The following MMS22L variants were observed in gnomAD, a reference collection of about 807,000 sequenced individuals.
The protein encoded by MMS22L is protein MMS22-like.
In MMS22L, 74 loss-of-function variants were observed where a neutral mutation model predicts 159.1. The observed-to-expected ratio is 0.47, with a 90% CI of 0.39 to 0.56. The LOEUF (loss-of-function observed/expected upper bound fraction) is 0.56. Ranked by LOEUF, MMS22L falls within the 20% of genes least tolerant of loss-of-function variation. The pLI, the probability that MMS22L is intolerant of heterozygous loss-of-function variation, is 0.00. For missense variants in MMS22L, 1,351 were observed against 1,422.1 expected (o/e 0.95, Z 0.80); for synonymous variants, 517 against 506.9 (o/e 1.02, Z -0.27).
In MMS22L at chr6:97,162,310, C is replaced by T. The variant is rs1385336049; in HGVS notation, c.3222-145G>A. 1.5e-5 allele frequency: 9 copies of T among 619,714 alleles called. No individual in the cohort carries two copies. The East Asian group carries it at 2.1e-4, about 15-fold the overall frequency. The allele number at this position is 619,714 out of a possible 1,614,324, so 38.4% of individuals were successfully genotyped here. The stretch of plus-strand genomic sequence containing the variant: ...TATAAAGTATGTATATTTTACCATG[C>T]TATCTTCAAACATAGGATTTTAGAA... On this transcript the variant is annotated intron_variant, in intron 21 of 24. Coordinates refer to ENST00000683635, the MANE Select transcript of MMS22L (RefSeq NM_001350599.2).
In MMS22L at chr6:97,146,774, T is replaced by A; in HGVS notation, c.*32A>T. The A allele has an allele frequency of 7.2e-7, 1 of 1,381,472 alleles. No individual in the cohort carries two copies. The highest frequency in any genetic ancestry group is 1.0e-6 in the Non-Finnish European group (1 of 995,586). The allele number at this position is 1,381,472 out of a possible 1,614,324, so 85.6% of individuals were successfully genotyped here. ...GGAACAATGTGGCTTTAGATACTGA[T>A]AATTAATAGACAGGATGAATCACAA... is the stretch of plus-strand genomic sequence containing the variant. On this transcript the variant is annotated 3_prime_UTR_variant, in exon 25 of 25. Coordinates refer to ENST00000683635, the MANE Select transcript of MMS22L (RefSeq NM_001350599.2).
At chr6:97,236,470 G>A (rs948542706) in intron 11 of MMS22L, among the ~76,000 whole-genome samples, 2 of 152,102 alleles carry the variant, frequency 1.3e-5, no homozygotes, top group Non-Finnish European at 2.9e-5. Context: ...ATGAATGTAT[G>A]ATTTTCTCTC....
chr6:97,281,407 C>A (rs1251763142), intron 2 of MMS22L, 45 bp from the exon 3 acceptor site: 1 of 1,475,132 alleles, frequency 6.8e-7, no homozygotes, highest in Non-Finnish European at 9.2e-7. Flanking sequence ...ATACTAAGTA[C>A]CATAATACGA....
At chr6:97,201,953 C>T (rs552849991) in intron 14 of MMS22L, among the ~76,000 whole-genome samples, 15 of 152,260 alleles carry the variant, frequency 9.9e-5, no homozygotes, top group South Asian at 2.1e-4. Flanking sequence ...CTTATTCCCT[C>T]GAACAATACT....
At chr6:97,251,698 A>C (rs962959398) in intron 10 of MMS22L, among the ~76,000 whole-genome samples, 2 of 152,190 alleles carry the variant, frequency 1.3e-5, no homozygotes, top group Admixed American at 1.3e-4. Flanking sequence ...TAAAAGACGC[A>C]AGTTAAGCTA....
At chr6:97,251,849 C>G (rs935261399) in intron 10 of MMS22L, among the ~76,000 whole-genome samples, 1 of 151,944 alleles carries the variant, frequency 6.6e-6, no homozygotes, top group Non-Finnish European at 1.5e-5. Context: ...TTTGAGAGGC[C>G]GAAGCGGGCG....
chr6:97,163,444 A>T (rs1166999031), intron 21 of MMS22L, among the ~76,000 whole-genome samples: 1 of 150,796 alleles, frequency 6.6e-6, no homozygotes, highest in African/African-American at 2.4e-5. Context: ...CCTGAGTATT[A>T]AAAAAAAAGC....
At chr6:97,151,029 A>C (rs367812478) in intron 23 of MMS22L, among the ~76,000 whole-genome samples, 1 of 151,222 alleles carries the variant, frequency 6.6e-6, no homozygotes, top group Non-Finnish European at 1.5e-5. Context: ...CTGAAGCTAC[A>C]GTTAGTATAC....
chr6:97,237,239 T>C (rs1210248460), intron 11 of MMS22L, among the ~76,000 whole-genome samples: 1 of 152,160 alleles, frequency 6.6e-6, no homozygotes, highest in Non-Finnish European at 1.5e-5. Flanking sequence ...ACAGTTCGAT[T>C]ATACCCAATA....
intron 10 of MMS22L, 29 bp downstream of exon 10, chr6:97,254,527 TA>T: frequency 6.3e-7 from 1 of 1,581,966 alleles, no homozygotes; most frequent in Non-Finnish European, 8.6e-7. Flanking sequence ...ATTGACAATA[TA>T]AGAAAGTTTT....
chr6:97,226,061 T>C (rs1339040856), intron 14 of MMS22L, among the ~76,000 whole-genome samples: 3 of 152,172 alleles, frequency 2.0e-5, no homozygotes, highest in Non-Finnish European at 4.4e-5. Context: ...AATTAATCTA[T>C]AGGTATACTT....
rs111558471 is a variant in MMS22L, at chr6:97,148,075, C to G, written c.3651-1188G>C. 2.3e-4 allele frequency among the ~76,000 whole-genome samples: 35 copies of G among 152,142 alleles called. 2 individuals carry two copies. The highest frequency in any genetic ancestry group is 7.7e-4 in the African/African-American group (32 of 41,518). ...GGCTGCATTTTGGTCAATGATGGATCCCATTAAGATTATAATGGTACTGAA... is the reference window on the plus strand; with the variant it reads ...GGCTGCATTTTGGTCAATGATGGATGCCATTAAGATTATAATGGTACTGAA... On this transcript the variant is annotated intron_variant, in intron 24 of 24. Transcript: ENST00000683635.
chr6:97,167,934 T>C (rs1803137395), intron 20 of MMS22L, 137 bp downstream of exon 20: 1 of 777,850 alleles, frequency 1.3e-6, no homozygotes, highest in Non-Finnish European at 1.9e-6. Context: ...CAATTTAAAA[T>C]ATGTTCAATA....
At chr6:97,260,607 G>T (rs778946821) in intron 9 of MMS22L, 3 of 152,180 alleles carry the variant, frequency 2.0e-5, no homozygotes, top group Non-Finnish European at 4.4e-5. Flanking sequence ...AGTCTGAACA[G>T]ACAAACTAAT....
intron 22 of MMS22L, among the ~76,000 whole-genome samples, chr6:97,159,596 C>T (rs1389459759): frequency 6.6e-6 from 1 of 151,934 alleles, no homozygotes; most frequent in East Asian, 1.9e-4. Flanking sequence ...TTAACTTCTG[C>T]TATATAGGTC....
rs572708135 is a variant in MMS22L, at chr6:97,257,575, G to A, written c.943-2842C>T. On this transcript the variant is annotated intron_variant, in intron 9 of 24. Transcript: ENST00000683635. ...GCCTCCCAAGTAGCTGGGACCACAG[G>A]CATGCCACCACCACACATAGGTAAT... Among the ~76,000 whole-genome samples, 37 of 152,128 alleles carry A rather than the reference G, an allele frequency of 2.4e-4. No homozygotes were observed. The South Asian group carries it at 2.5e-3, about 10-fold the overall frequency.
intron 21 of MMS22L, among the ~76,000 whole-genome samples, chr6:97,164,484 G>T (rs1021878424): frequency 2.0e-5 from 3 of 151,866 alleles, no homozygotes; most frequent in African/African-American, 7.3e-5. Context: ...AGACTTAGTA[G>T]AATATTTAAG....
At chr6:97,275,970 C>G (rs772939039) in intron 4 of MMS22L, among the ~76,000 whole-genome samples, 1 of 152,142 alleles carries the variant, frequency 6.6e-6, no homozygotes, top group Admixed American at 6.5e-5. Flanking sequence ...CACCACTGCA[C>G]TCCAGCCTGG....
intron 4 of MMS22L, among the ~76,000 whole-genome samples, chr6:97,273,495 A>T (rs1421259774): frequency 6.6e-6 from 1 of 152,110 alleles, no homozygotes; most frequent in Admixed American, 6.5e-5. Context: ...CAGTTCCTTT[A>T]TTAATAAATG....
Sources: allele counts gnomAD v4.1 joint callset (sites outside exome capture counted in the v4.1 genomes callset), GRCh38; gene constraint gnomAD v4.1.1; transcripts MANE v1.5; gene names NCBI Gene and HGNC (gene_info 2026-07-23, HGNC 2026-07-21).